The following ODAD2 variants were observed in gnomAD, a reference collection of about 807,000 sequenced individuals.
ODAD2 encodes the protein outer dynein arm-docking complex subunit 2.
In ODAD2, 89 loss-of-function variants were observed where a neutral mutation model predicts 106.8. That is an observed-to-expected ratio of 0.83 (90% CI 0.70 to 0.99). The LOEUF is 0.99. Among genes scored for constraint, ODAD2 ranks in the 50% least tolerant of loss-of-function variants. The pLI, the probability that ODAD2 is intolerant of heterozygous loss-of-function variation, is 0.00. For synonymous variants in ODAD2, 404 were observed against 436.2 expected (o/e 0.93, Z 0.92); for missense variants, 1,168 against 1,238.5 (o/e 0.94, Z 0.85).
chr10:27,966,793 A>G (rs1362444643), intron 9 of ODAD2, among the ~76,000 whole-genome samples: 3 of 152,120 alleles, frequency 2.0e-5, no homozygotes, highest in African/African-American at 7.2e-5. Context: ...CTTTCGGCCC[A>G]ATATCTGTTT....
intron 17 of ODAD2, among the ~76,000 whole-genome samples, chr10:27,901,829 C>T (rs865983379): frequency 1.3e-5 from 2 of 152,160 alleles, no homozygotes; most frequent in African/African-American, 4.8e-5. Context: ...TGGAGACCTA[C>T]AAAGAGACTT....
intron 10 of ODAD2, among the ~76,000 whole-genome samples, chr10:27,960,397 A>C (rs1848049469): frequency 6.7e-6 from 1 of 149,936 alleles, no homozygotes; most frequent in Admixed American, 6.7e-5. Flanking sequence ...CCCAGGCTGG[A>C]GTGCAATGGC....
At chr10:27,935,940 T>G (rs1414250222) in intron 15 of ODAD2, among the ~76,000 whole-genome samples, 1 of 152,102 alleles carries the variant, frequency 6.6e-6, no homozygotes, top group Non-Finnish European at 1.5e-5. Flanking sequence ...CTAGTTTCTA[T>G]ACAGAACATT....
At chr10:27,813,289 C>A (rs1055390750) in intron 19 of ODAD2, 1 of 152,308 alleles carries the variant, frequency 6.6e-6, no homozygotes, top group East Asian at 1.9e-4. Flanking sequence ...AACTTTTCCA[C>A]GAAGCCTCCA....
intron 16 of ODAD2, among the ~76,000 whole-genome samples, chr10:27,928,418 A>G (rs1309947206): frequency 6.6e-6 from 1 of 152,142 alleles, no homozygotes; most frequent in Non-Finnish European, 1.5e-5. Flanking sequence ...CCTCTCACCT[A>G]TGATGATCCC....
intron 19 of ODAD2, among the ~76,000 whole-genome samples, chr10:27,837,503 T>C (rs569149896): frequency 6.6e-6 from 1 of 152,282 alleles, no homozygotes; most frequent in South Asian, 2.1e-4. Context: ...AGAGAAAATA[T>C]CAGCGTTTTC....
rs528110090 is a variant in ODAD2, at chr10:27,916,382, T to A, written c.2496-8605A>T. Among the ~76,000 whole-genome samples the A allele has an allele frequency of 7.2e-5, 11 of 152,238 alleles. No homozygotes were observed. In the South Asian group the frequency reaches 1.2e-3, roughly 17 times the overall value. On this transcript the variant is annotated intron_variant, in intron 16 of 19. Coordinates refer to ENST00000305242, the MANE Select transcript of ODAD2 (RefSeq NM_018076.5). The stretch of plus-strand genomic sequence containing the variant: ...AAAGGGGAGGAGATGGGGATGATTA[T>A]GAAAGCTTGGTTACATACAGGGAAA...
chr10:27,865,737 C>T (rs533775966), intron 17 of ODAD2, among the ~76,000 whole-genome samples: 1 of 152,278 alleles, frequency 6.6e-6, no homozygotes, highest in East Asian at 1.9e-4. Context: ...AAACTCATAG[C>T]CTTAAAAGAA....
At position 27,921,449 on chromosome 10, in the gene ODAD2, G is replaced by A. The variant is rs904413363; in HGVS notation, c.2495+13561C>T. 8.6e-5 allele frequency among the ~76,000 whole-genome samples: 13 copies of A among 151,890 alleles called. No individual in the cohort carries two copies. In the East Asian group the frequency reaches 2.3e-3, roughly 27 times the overall value. ...AGACTTTTAGTATGTTTTGAATCAT[G>A]TATGCCAGGTAGTTTGTATAAAAGA... On this transcript the variant is annotated intron_variant, in intron 16 of 19. Coordinates refer to ENST00000305242, the MANE Select transcript of ODAD2 (RefSeq NM_018076.5).
intron 10 of ODAD2, among the ~76,000 whole-genome samples, chr10:27,945,828 C>T (rs1376085157): frequency 6.6e-6 from 1 of 151,252 alleles, no homozygotes; most frequent in African/African-American, 2.5e-5. Context: ...AGAGTTCTGG[C>T]ATCAGCACTA....
intron 19 of ODAD2, among the ~76,000 whole-genome samples, chr10:27,817,357 T>G (rs763853411): frequency 4.6e-5 from 7 of 152,162 alleles, no homozygotes; most frequent in Non-Finnish European, 8.8e-5. Flanking sequence ...TTTCAAAAAT[T>G]TTGGATATAT....
intron 19 of ODAD2, among the ~76,000 whole-genome samples, chr10:27,847,595 T>C (rs1838878720): frequency 6.6e-6 from 1 of 151,914 alleles, no homozygotes; most frequent in Non-Finnish European, 1.5e-5. Flanking sequence ...GAGAAAGAAA[T>C]AAAGGGTATT....
chr10:27,966,458 C>T (rs979912958), intron 9 of ODAD2, among the ~76,000 whole-genome samples: 9 of 152,152 alleles, frequency 5.9e-5, no homozygotes, highest in African/African-American at 2.2e-4. Flanking sequence ...AAGCAGCGCC[C>T]CAAAGAAAAG....
intron 16 of ODAD2, among the ~76,000 whole-genome samples, chr10:27,928,083 T>A (rs374383954): frequency 5.3e-5 from 8 of 152,218 alleles, no homozygotes; most frequent in South Asian, 2.1e-4. Flanking sequence ...TATTATACAA[T>A]AAGCATTTGT....
In ODAD2 at chr10:27,940,029, T is replaced by C. The variant is rs1846278089; in HGVS notation, c.1987-22A>G. On this transcript the variant is annotated intron_variant, in intron 13 of 19. Transcript: ENST00000305242. ...TTTCCTAGGAATAAAAACCTACATA[T>C]TTATGTGTTCAAGACGTGAATATAA... The C allele has an allele frequency of 1.3e-6, 2 of 1,529,858 alleles. 1 individual carries two copies. Among genetic ancestry groups the C allele is most frequent in the Middle Eastern group, 3.4e-4 (2 of 5,830 alleles). The allele number at this position is 1,529,858 out of a possible 1,614,324, so 94.8% of individuals were successfully genotyped here. A position where few individuals can be genotyped will look rare whatever the true frequency, so the allele number is the denominator to read the frequency against.
chr10:27,829,253 A>G (rs528977960), intron 19 of ODAD2, among the ~76,000 whole-genome samples: 1 of 152,218 alleles, frequency 6.6e-6, no homozygotes, highest in Non-Finnish European at 1.5e-5. Context: ...TTCGATGTCA[A>G]ATAAATAGCT....
chr10:27,939,915 G>C lies in ODAD2; in HGVS notation c.2079C>G (p.Cys693Trp). The stretch of plus-strand genomic sequence containing the variant: ...ACTGCACCTGGTAAATGGCCATGGC[G>C]CAGTGCTCCTGCAGCTGCTCATTCT... ...NSENEQLQEH[C>W]AMAIYQCAED... Residue 693 changes from cysteine to tryptophan, a missense_variant, in exon 14 of 20, where the codon TGC (cysteine) becomes TGG (tryptophan). Coordinates refer to ENST00000305242, the MANE Select transcript of ODAD2 (RefSeq NM_018076.5). 6 of 1,606,924 alleles carry C rather than the reference G, an allele frequency of 3.7e-6. No homozygotes were observed. The highest frequency in any genetic ancestry group is 5.1e-6 in the Non-Finnish European group (6 of 1,176,628).
intron 7 of ODAD2, among the ~76,000 whole-genome samples, chr10:27,975,806 ATG>A (rs1849154182): frequency 6.6e-6 from 1 of 152,184 alleles, no homozygotes; most frequent in Non-Finnish European, 1.5e-5. Flanking sequence ...TCATTCTATA[ATG>A]TCAGTATTAC....
intron 17 of ODAD2, among the ~76,000 whole-genome samples, chr10:27,885,380 T>A (rs888884755): frequency 1.4e-5 from 2 of 146,336 alleles, no homozygotes; most frequent in African/African-American, 5.1e-5. Flanking sequence ...CATGGTGGCA[T>A]GTGCCTGTAA....
Sources: gnomAD v4.1 joint callset for allele counts (sites outside exome capture counted in the v4.1 genomes callset) on GRCh38, gnomAD v4.1.1 for gene constraint, MANE v1.5 for transcripts, NCBI Gene and HGNC (gene_info 2026-07-23, HGNC 2026-07-21) for gene names.